Variants in PLAC1 observed in about 807,000 individuals in gnomAD.
PLAC1 encodes the protein placenta-specific protein 1.
For synonymous variants in PLAC1, 68 were observed against 62.1 expected (o/e 1.09, Z -0.44); for missense variants, 136 against 163.2 (o/e 0.83, Z 0.91).
At chrX:134,718,009 A>G (rs952455886) in intron 2 of PLAC1, among the ~76,000 whole-genome samples, 2 of 112,412 alleles carry the variant, frequency 1.8e-5, no homozygotes, top group African/African-American at 6.5e-5. Context: ...GATGGCCAAG[A>G]AGACTTAGAG....
intron 1 of PLAC1, among the ~76,000 whole-genome samples, chrX:134,621,361 G>A (rs959630108): frequency 6.0e-4 from 60 of 100,372 alleles, no homozygotes; most frequent in Non-Finnish European, 1.1e-3. Context: ...CAGGAGAATC[G>A]CTTGAACCCG....
chrX:134,607,337 A>G, intron 1 of PLAC1: 1 of 146,668 alleles, frequency 6.8e-6, no homozygotes. Context: ...CAAAACTGGA[A>G]GAGCCTACAT....
intron 1 of PLAC1, among the ~76,000 whole-genome samples, chrX:134,751,730 T>C (rs1217908744): frequency 1.8e-5 from 2 of 111,497 alleles, no homozygotes; most frequent in African/African-American, 6.5e-5. Context: ...TCATCCTACA[T>C]CTCCCTTCTG....
intron 2 of PLAC1, among the ~76,000 whole-genome samples, chrX:134,572,516 GGAA>G (rs2077914042): frequency 8.9e-6 from 1 of 111,939 alleles, no homozygotes; most frequent in Admixed American, 9.5e-5. Flanking sequence ...CATTTTGTGT[GGAA>G]GAAGAATTAT....
chrX:134,720,181 T>A (rs1379453104), intron 2 of PLAC1, among the ~76,000 whole-genome samples: 1 of 111,687 alleles, frequency 9.0e-6, no homozygotes, highest in Non-Finnish European at 1.9e-5. Context: ...AACAATCAAT[T>A]CTATGACTAA....
At chrX:134,581,157 C>T (rs927951644) in intron 2 of PLAC1, among the ~76,000 whole-genome samples, 1 of 111,460 alleles carries the variant, frequency 9.0e-6, no homozygotes, top group African/African-American at 3.3e-5. Context: ...ACACTCCAGA[C>T]CTGGATGTCA....
chrX:134,730,277 C>T (rs1027982060), intron 2 of PLAC1, among the ~76,000 whole-genome samples: 1 of 111,901 alleles, frequency 8.9e-6, no homozygotes, highest in African/African-American at 3.2e-5. Context: ...AAAGTCATTG[C>T]TCTGGAAGCT....
intron 1 of PLAC1, among the ~76,000 whole-genome samples, chrX:134,644,830 C>T (rs899316945): frequency 9.0e-6 from 1 of 111,710 alleles, no homozygotes; most frequent in Non-Finnish European, 1.9e-5. Flanking sequence ...GTTTTCTATT[C>T]TCACTCTCAT....
intron 2 of PLAC1, among the ~76,000 whole-genome samples, chrX:134,594,183 G>A (rs1007345704): frequency 4.5e-5 from 5 of 111,699 alleles, no homozygotes; most frequent in African/African-American, 1.6e-4. Context: ...TTCTTTAGCT[G>A]TTAATATGGT....
intron 2 of PLAC1, among the ~76,000 whole-genome samples, chrX:134,600,477 T>C (rs2124384417): frequency 8.9e-6 from 1 of 111,950 alleles, no homozygotes; most frequent in South Asian, 3.8e-4. Flanking sequence ...CCTCAGAGCA[T>C]TTAAATCTGA....
intron 1 of PLAC1, among the ~76,000 whole-genome samples, chrX:134,652,310 G>T (rs1174788066): frequency 8.9e-6 from 1 of 112,009 alleles, no homozygotes; most frequent in Admixed American, 9.5e-5. Context: ...TGGCGGCATG[G>T]TCAGTAATCT....
intron 2 of PLAC1, among the ~76,000 whole-genome samples, chrX:134,703,381 A>G (rs2078590057): frequency 8.9e-6 from 1 of 112,059 alleles, no homozygotes; most frequent in Non-Finnish European, 1.9e-5. Flanking sequence ...AACTCAAAAA[A>G]CAATGGAATA....
chrX:134,589,335 G>A (rs2078023019), intron 2 of PLAC1, among the ~76,000 whole-genome samples: 1 of 111,373 alleles, frequency 9.0e-6, no homozygotes, highest in South Asian at 3.8e-4. Context: ...ATGATTTCAA[G>A]GGATATTTTG....
At chrX:134,739,886 A>C (rs1242888110) in intron 1 of PLAC1, among the ~76,000 whole-genome samples, 6 of 112,033 alleles carry the variant, frequency 5.4e-5, no homozygotes, top group Non-Finnish European at 1.1e-4. Flanking sequence ...TAAAAATTCC[A>C]CCCCTGGGTA....
At chrX:134,630,483 G>T (rs941167271) in intron 1 of PLAC1, among the ~76,000 whole-genome samples, 2 of 111,735 alleles carry the variant, frequency 1.8e-5, no homozygotes, top group African/African-American at 6.5e-5. Flanking sequence ...ATGAATACTA[G>T]GGGCACTCAT....
intron 1 of PLAC1, among the ~76,000 whole-genome samples, chrX:134,613,712 A>G (rs2078165345): frequency 9.0e-6 from 1 of 111,019 alleles, no homozygotes; most frequent in Non-Finnish European, 1.9e-5. Context: ...CAAAGGCTCT[A>G]GAGACCAGTG....
chrX:134,610,797 T>C (rs2078148454), intron 1 of PLAC1, among the ~76,000 whole-genome samples: 1 of 111,406 alleles, frequency 9.0e-6, no homozygotes, highest in East Asian at 2.8e-4. Flanking sequence ...TGTTAAGATG[T>C]CTCATCCATC....
chrX:134,583,150 A>G (rs1421144290), intron 2 of PLAC1, among the ~76,000 whole-genome samples: 1 of 111,816 alleles, frequency 8.9e-6, no homozygotes, highest in East Asian at 2.8e-4. Context: ...AGACTAAACC[A>G]CACATGGAAA....
intron 2 of PLAC1, among the ~76,000 whole-genome samples, chrX:134,702,271 T>C (rs1569407859): frequency 1.8e-5 from 2 of 112,157 alleles, no homozygotes; most frequent in African/African-American, 6.5e-5. Flanking sequence ...AAACTAAATG[T>C]TCTACCAAAA....
Sources: allele counts gnomAD v4.1 joint callset (sites outside exome capture counted in the v4.1 genomes callset), GRCh38; gene constraint gnomAD v4.1.1; transcripts MANE v1.5; gene names NCBI Gene and HGNC (gene_info 2026-07-23, HGNC 2026-07-21).